Variants in DNASE1L3 observed in about 807,000 individuals in gnomAD.
The protein encoded by DNASE1L3 is deoxyribonuclease 1L3.
DNASE1L3 carries 27 observed loss-of-function variants against 30.9 expected under a neutral mutation model. That is an observed-to-expected ratio of 0.87 (90% confidence interval 0.64 to 1.20). The LOEUF (loss-of-function observed/expected upper bound fraction) is 1.20. DNASE1L3 is among the 50% of genes most tolerant of loss of function. DNASE1L3 has a pLI of 0.00. For synonymous variants in DNASE1L3, 135 were observed against 138.0 expected (o/e 0.98, Z 0.15); for missense variants, 364 against 378.2 (o/e 0.96, Z 0.31).
intron 5 of DNASE1L3, among the ~76,000 whole-genome samples, chr3:58,199,145 G>A (rs1051342788): frequency 6.6e-6 from 1 of 152,138 alleles, no homozygotes; most frequent in Admixed American, 6.5e-5. Context: ...GTTCAGTTGA[G>A]GACAGAGTGT....
intron 1 of DNASE1L3, among the ~76,000 whole-genome samples, chr3:58,210,309 G>C (rs1156459636): frequency 6.6e-6 from 1 of 152,016 alleles, no homozygotes; most frequent in Non-Finnish European, 1.5e-5. Flanking sequence ...AGAGAGAAAG[G>C]AGCTGGGCTT....
chr3:58,200,930 T>C lies in DNASE1L3; in HGVS notation c.546+67A>G. 1.5e-6 allele frequency: 2 copies of C among 1,307,246 alleles called. No homozygotes were observed. The highest frequency in any genetic ancestry group is 2.6e-5 in the South Asian group (2 of 77,236). The allele number at this position is 1,307,246 out of a possible 1,614,324, so 81.0% of individuals were successfully genotyped here. On this transcript the variant is annotated intron_variant, in intron 5 of 7. Coordinates refer to ENST00000394549, the MANE Select transcript of DNASE1L3 (RefSeq NM_004944.4). This position sits in a 1 kb window ranked among gnomAD's most constrained non-coding sequence, Gnocchi z 4.2. ...CTCCTCCCCCTCCCTGGAGAGGTACTCATCCCACTCAGGGACCAGAGCCTG... is the reference window on the plus strand; with the variant it reads ...CTCCTCCCCCTCCCTGGAGAGGTACCCATCCCACTCAGGGACCAGAGCCTG...
At chr3:58,209,815 G>T (rs1317355729) in intron 1 of DNASE1L3, among the ~76,000 whole-genome samples, 1 of 152,220 alleles carries the variant, frequency 6.6e-6, no homozygotes, top group Non-Finnish European at 1.5e-5. Flanking sequence ...GGTGGAATCT[G>T]GACCCAGGGC....
chr3:58,195,710 C>G (rs952115621), intron 6 of DNASE1L3, among the ~76,000 whole-genome samples: 1 of 150,004 alleles, frequency 6.7e-6, no homozygotes, highest in Non-Finnish European at 1.5e-5. Flanking sequence ...CGCTTGAACC[C>G]GGGAGGCGGA....
intron 4 of DNASE1L3, among the ~76,000 whole-genome samples, chr3:58,203,506 G>A (rs2097402099): frequency 6.6e-6 from 1 of 152,178 alleles, no homozygotes; most frequent in African/African-American, 2.4e-5. Context: ...AACACTGCAT[G>A]TTAACCACTG....
At chr3:58,205,159 G>A (rs1468289872) in intron 3 of DNASE1L3, among the ~76,000 whole-genome samples, 3 of 152,240 alleles carry the variant, frequency 2.0e-5, no homozygotes, top group South Asian at 2.1e-4. Context: ...AAAAGAATAC[G>A]AAGTTCAGGA....
chr3:58,209,068 G>A (rs1271260845), intron 1 of DNASE1L3, among the ~76,000 whole-genome samples: 3 of 152,126 alleles, frequency 2.0e-5, no homozygotes, highest in African/African-American at 2.4e-5. Flanking sequence ...GGTGAAACCC[G>A]CCTCTACTAA....
At position 58,197,959 on chromosome 3, in the gene DNASE1L3, T is replaced by C. The variant is rs767689294; in HGVS notation, c.566A>G (p.Asp189Gly). Residue 189 changes from aspartate to glycine, a missense_variant, in exon 6 of 8, where the codon GAC becomes GGC. By Grantham distance (94) the Asp-to-Gly change is moderately conservative (BLOSUM62 -1). Coordinates refer to ENST00000394549, the MANE Select transcript of DNASE1L3 (RefSeq NM_004944.4). The surrounding 1 kb of genome is among the most constrained non-coding windows in gnomAD (Gnocchi z 5.3). ...GACGTAGCTGCAGCCGGCATTGAAG[T>C]CACCCATGAAAATGAAATTCTAAAA... Reference protein sequence around the residue: ...WKAENFIFMGDFNAGCSYVPK... With the variant: ...WKAENFIFMGGFNAGCSYVPK... 1.2e-6 allele frequency: 2 copies of C among 1,611,882 alleles called. No homozygotes were observed. Among genetic ancestry groups the C allele is most frequent in the Non-Finnish European group, 1.7e-6 (2 of 1,178,932 alleles).
chr3:58,198,120 C>T, intron 5 of DNASE1L3, 142 bp from the exon 6 acceptor site: 1 of 927,162 alleles, frequency 1.1e-6, no homozygotes, highest in Non-Finnish European at 1.6e-6. Flanking sequence ...CCCCCTGCTC[C>T]CGCCCCGGCC....
intron 6 of DNASE1L3, among the ~76,000 whole-genome samples, chr3:58,193,925 C>T (rs1044652960): frequency 1.3e-5 from 2 of 152,140 alleles, no homozygotes; most frequent in African/African-American, 4.8e-5. Context: ...TTTAACAAGG[C>T]GTGATTTTCA....
intron 1 of DNASE1L3, among the ~76,000 whole-genome samples, 158 bp downstream of exon 1, chr3:58,210,608 G>T (rs570022924): frequency 6.6e-6 from 1 of 152,144 alleles, no homozygotes; most frequent in African/African-American, 2.4e-5. Flanking sequence ...TTAAGATGAC[G>T]GCAGGAGGTA....
intron 6 of DNASE1L3, among the ~76,000 whole-genome samples, chr3:58,196,240 C>A (rs979298961): frequency 6.6e-6 from 1 of 151,882 alleles, no homozygotes; most frequent in South Asian, 2.1e-4. Flanking sequence ...GAAACACCAG[C>A]CTCAAAAGCT....
Position 58,192,929 on chromosome 3 carries a change from A to C in DNASE1L3, c.802-126T>G. 6.8e-7 allele frequency: 1 copy of C among 1,479,950 alleles called. No homozygotes were observed. The highest frequency in any genetic ancestry group is 8.9e-7 in the Non-Finnish European group (1 of 1,122,866). The allele number at this position is 1,479,950 out of a possible 1,614,324, so 91.7% of individuals were successfully genotyped here. On this transcript the variant is annotated intron_variant, in intron 7 of 7. Transcript: ENST00000394549. This position sits in a 1 kb window ranked among gnomAD's most constrained non-coding sequence, Gnocchi z 4.8. ...AATGCCCGAAGTCACCCCACAGAAC[A>C]CTTACTGGTAAGCGTCATTCCAAGA...
At chr3:58,198,091 A>G (rs549916143) in intron 5 of DNASE1L3, 113 bp from the exon 6 acceptor site, 348 of 1,239,252 alleles carry the variant, frequency 2.8e-4, no homozygotes, top group Non-Finnish European at 3.4e-4. Context: ...AGGGTCTGTT[A>G]TGGGCTGAAT....
intron 6 of DNASE1L3, among the ~76,000 whole-genome samples, chr3:58,196,043 G>A (rs2097397116): frequency 6.6e-6 from 1 of 152,094 alleles, no homozygotes; most frequent in African/African-American, 2.4e-5. Context: ...CATTTGCCAG[G>A]GGAGAAGAAT....
chr3:58,202,321 T>G (rs1364396043), intron 4 of DNASE1L3, among the ~76,000 whole-genome samples: 14 of 133,856 alleles, frequency 1.0e-4, no homozygotes, highest in South Asian at 2.5e-4. Flanking sequence ...AGCTTTGTTT[T>G]TTTTTTTTTT....
At position 58,201,013 on chromosome 3, in the gene DNASE1L3, T is replaced by A. The variant is rs953462344; in HGVS notation, c.530A>T (p.His177Leu). 5 of 1,611,940 alleles carry A rather than the reference T, an allele frequency of 3.1e-6. No homozygotes were observed. Among genetic ancestry groups the A allele is most frequent in the Non-Finnish European group, 4.2e-6 (5 of 1,178,812 alleles). Reference protein sequence around the residue: ...ELVEVYTDVKHRWKAENFIFM... With the variant: ...ELVEVYTDVKLRWKAENFIFM... Reference sequence around the variant, plus strand: ...AGTCCTCACCTCCGCCTTCCAGCGGTGTTTCACGTCCGTGTAGACCTCAAC... The same window carrying A: ...AGTCCTCACCTCCGCCTTCCAGCGGAGTTTCACGTCCGTGTAGACCTCAAC... The change falls in exon 5 of 8, where the codon CAC becomes CTC. Residue 177 changes from histidine to leucine, a missense_variant. Transcript: ENST00000394549.
chr3:58,197,605 A>ACCATG lies in DNASE1L3; in HGVS notation c.704+211_704+215dup, dbSNP rs1394314629. Among the ~76,000 whole-genome samples, 1 of 152,102 alleles carries ACCATG rather than the reference A, an allele frequency of 6.6e-6. No individual in the cohort carries two copies. Among genetic ancestry groups the ACCATG allele is most frequent in the African/African-American group, 2.4e-5 (1 of 41,386 alleles). On this transcript the variant is annotated intron_variant, in intron 6 of 7. Transcript: ENST00000394549. The surrounding 1 kb of genome is among the most constrained non-coding windows in gnomAD (Gnocchi z 5.3). ...GTAGCTGGGAGTATAGGTGTGTGCC[A>ACCATG]CCATGCCTGGCTAATTTTTGTATTT... is the stretch of plus-strand genomic sequence containing the variant.
intron 6 of DNASE1L3, among the ~76,000 whole-genome samples, chr3:58,196,369 C>T (rs1488399809): frequency 6.6e-6 from 1 of 150,780 alleles, no homozygotes; most frequent in Non-Finnish European, 1.5e-5. Context: ...ATGGTGAAAC[C>T]CTGTCTCTAC....
Sources: gnomAD v4.1 joint callset for allele counts (sites outside exome capture counted in the v4.1 genomes callset) on GRCh38, gnomAD v4.1.1 for gene constraint, Gnocchi (gnomAD v3.1) non-coding constraint, MANE v1.5 for transcripts, NCBI Gene and HGNC (gene_info 2026-07-23, HGNC 2026-07-21) for gene names.